The following GNG7 variants were observed in gnomAD, a reference collection of about 807,000 sequenced individuals.
GNG7 encodes G protein subunit gamma 7.
Under a neutral mutation model 4.0 loss-of-function variants are expected in GNG7, and 1 was observed. That is an observed-to-expected ratio of 0.25 (90% CI 0.09 to 1.18). The LOEUF (loss-of-function observed/expected upper bound fraction) is 1.18, where lower values mean the gene tolerates loss of function less well. Among genes scored for constraint, GNG7 ranks in the 50% most tolerant of loss-of-function variants. The pLI is 0.50. For missense variants in GNG7, 86 were observed against 91.9 expected (o/e 0.94, Z 0.26); for synonymous variants, 34 against 36.9 (o/e 0.92, Z 0.29).
intron 2 of GNG7, among the ~76,000 whole-genome samples, chr19:2,613,954 C>T (rs1271760760): frequency 6.6e-6 from 1 of 152,236 alleles, no homozygotes; most frequent in Non-Finnish European, 1.5e-5. Flanking sequence ...CAGAAGCTCG[C>T]AGCCTAAGGC....
intron 1 of GNG7, among the ~76,000 whole-genome samples, chr19:2,657,395 T>TAC (rs1425989232): frequency 1.4e-4 from 13 of 94,408 alleles, no homozygotes; most frequent in Admixed American, 4.5e-4. Flanking sequence ...TATATATATA[T>TAC]ATATACACAT....
chr19:2,655,503 G>A (rs1599444771), intron 1 of GNG7, among the ~76,000 whole-genome samples: 1 of 151,874 alleles, frequency 6.6e-6, no homozygotes, highest in African/African-American at 2.4e-5. Context: ...ACGAGTTCGA[G>A]ACCAGCCTGG....
chr19:2,517,716 T>C (rs1327458912), intron 4 of GNG7, among the ~76,000 whole-genome samples: 1 of 152,182 alleles, frequency 6.6e-6, no homozygotes, highest in Non-Finnish European at 1.5e-5. Context: ...CTCACTATGT[T>C]GCTCAGGCTG....
chr19:2,596,670 C>CA lies in GNG7; in HGVS notation c.-77-41483_-77-41482insT, dbSNP rs1051660723. On this transcript the variant is annotated intron_variant, in intron 2 of 4. Coordinates refer to ENST00000382159, the MANE Select transcript of GNG7 (RefSeq NM_052847.3). ...GGTGACAAAGTGAGACCCTGTCCCC[C>CA]CCCCAAAAAAAAAAGTGGGCAAATA... Among the ~76,000 whole-genome samples, 19 of 150,802 alleles carry CA rather than the reference C, an allele frequency of 1.3e-4. No individual in the cohort carries two copies. The South Asian group carries it at 3.8e-3, about 30-fold the overall frequency.
intron 3 of GNG7, among the ~76,000 whole-genome samples, chr19:2,542,661 C>T (rs1979001281): frequency 6.6e-6 from 1 of 152,260 alleles, no homozygotes; most frequent in South Asian, 2.1e-4. Flanking sequence ...AGGCGTGTTG[C>T]TCTAAGCCAC....
chr19:2,544,870 T>C (rs1205356231), intron 3 of GNG7, among the ~76,000 whole-genome samples: 2 of 150,554 alleles, frequency 1.3e-5, no homozygotes, highest in African/African-American at 4.9e-5. Flanking sequence ...AGAAGGATCT[T>C]ACCCCACTGT....
chr19:2,556,990 G>A lies in GNG7; in HGVS notation c.-77-1802C>T, dbSNP rs572797389. Among the ~76,000 whole-genome samples, 29 of 151,900 alleles carry A rather than the reference G, an allele frequency of 1.9e-4. No homozygotes were observed. In the South Asian group the frequency reaches 6.0e-3, roughly 32 times the overall value. On this transcript the variant is annotated intron_variant, in intron 2 of 4. Coordinates refer to ENST00000382159, the MANE Select transcript of GNG7 (RefSeq NM_052847.3). ...CTTAGTGACCTAGAGACATCCAGGG[G>A]GGCTGCCTCCCCTCCCACCTCTACA...
chr19:2,599,832 G>A (rs1040276533), intron 2 of GNG7, among the ~76,000 whole-genome samples: 6 of 151,940 alleles, frequency 3.9e-5, no homozygotes, highest in African/African-American at 1.5e-4. Flanking sequence ...AGCTACTCAG[G>A]AGGCTGAGGC....
At chr19:2,660,415 G>A (rs984825564) in intron 1 of GNG7, among the ~76,000 whole-genome samples, 2 of 152,176 alleles carry the variant, frequency 1.3e-5, no homozygotes, top group Admixed American at 6.5e-5. Flanking sequence ...GGGAGAAACT[G>A]GACGTATATT....
chr19:2,638,855 C>T (rs919636582), intron 2 of GNG7, among the ~76,000 whole-genome samples: 6 of 152,000 alleles, frequency 3.9e-5, no homozygotes, highest in Middle Eastern at 3.2e-3. Context: ...AACATGCAAT[C>T]GGAACAAAAT....
chr19:2,686,218 T>A (rs1204624503), intron 1 of GNG7, among the ~76,000 whole-genome samples: 4 of 151,180 alleles, frequency 2.6e-5, no homozygotes, highest in Non-Finnish European at 4.4e-5. Context: ...AGTGCAGTGG[T>A]GCGATCTCAG....
chr19:2,672,863 G>A (rs779571290), intron 1 of GNG7, among the ~76,000 whole-genome samples: 5 of 152,122 alleles, frequency 3.3e-5, no homozygotes, highest in Non-Finnish European at 4.4e-5. Context: ...CCCCTGATGT[G>A]TTCTCCCCAG....
At chr19:2,678,783 A>G (rs1983657381) in intron 1 of GNG7, among the ~76,000 whole-genome samples, 1 of 151,802 alleles carries the variant, frequency 6.6e-6, no homozygotes, top group African/African-American at 2.4e-5. Context: ...GTGGCCTTCA[A>G]CGCCAGGTCT....
intron 1 of GNG7, among the ~76,000 whole-genome samples, chr19:2,692,937 G>A (rs914446368): frequency 2.6e-5 from 4 of 151,386 alleles, no homozygotes; most frequent in South Asian, 2.1e-4. Flanking sequence ...AGTGAGCTGC[G>A]ATTGTGCCAC....
At chr19:2,619,322 A>G (rs1599425119) in intron 2 of GNG7, among the ~76,000 whole-genome samples, 1 of 152,204 alleles carries the variant, frequency 6.6e-6, no homozygotes, top group African/African-American at 2.4e-5. Context: ...ACTTGTTGAC[A>G]TATTGCTTGT....
intron 4 of GNG7, among the ~76,000 whole-genome samples, chr19:2,517,957 G>C (rs756738624): frequency 6.6e-6 from 1 of 152,188 alleles, no homozygotes; most frequent in Non-Finnish European, 1.5e-5. Flanking sequence ...CCCACAGAGT[G>C]AGCCCGCCGG....
In GNG7 at chr19:2,582,754, C is replaced by T. The variant is rs369636383; in HGVS notation, c.-77-27566G>A. ...CTTGATCTTGGCTCACTGCAACCTCCACCTACCACGTTCAAGCGATTCTCC... is the reference window on the plus strand; with the variant it reads ...CTTGATCTTGGCTCACTGCAACCTCTACCTACCACGTTCAAGCGATTCTCC... On this transcript the variant is annotated intron_variant, in intron 2 of 4. Coordinates refer to ENST00000382159, the MANE Select transcript of GNG7 (RefSeq NM_052847.3). 3.5e-4 allele frequency among the ~76,000 whole-genome samples: 53 copies of T among 149,950 alleles called. 1 individual carries two copies. The highest frequency in any genetic ancestry group is 1.3e-3 in the African/African-American group (52 of 40,616).
chr19:2,644,782 C>T (rs1982621706), intron 2 of GNG7, among the ~76,000 whole-genome samples: 1 of 152,220 alleles, frequency 6.6e-6, no homozygotes, highest in African/African-American at 2.4e-5. Context: ...TACATCCACA[C>T]TGTGGCCTGT....
chr19:2,645,240 TCTC>T (rs138721845), intron 2 of GNG7, among the ~76,000 whole-genome samples: 4,183 of 118,788 alleles, frequency 0.035, 203 homozygotes, highest in African/African-American at 0.12. Flanking sequence ...TCTCTCTCTC[TCTC>T]TTTTTTTTTT....
Sources: gnomAD v4.1 joint callset for allele counts (sites outside exome capture counted in the v4.1 genomes callset) on GRCh38, gnomAD v4.1.1 for gene constraint, MANE v1.5 for transcripts, NCBI Gene and HGNC (gene_info 2026-07-23, HGNC 2026-07-21) for gene names.